The following CNBD1 variants were observed in gnomAD, a reference collection of about 807,000 sequenced individuals.
CNBD1 encodes cyclic nucleotide-binding domain-containing protein 1.
In CNBD1, 71 loss-of-function variants were observed where a neutral mutation model predicts 54.4. The ratio of observed to expected loss-of-function variants is 1.30; its 90% CI spans 1.08 to 1.59. The LOEUF is 1.59. Ranked by LOEUF, CNBD1 falls within the 40% of genes most tolerant of loss-of-function variation. CNBD1 has a pLI of 0.00. For missense variants in CNBD1, 659 were observed against 518.0 expected (o/e 1.27, Z -2.64); for synonymous variants, 182 against 170.7 (o/e 1.07, Z -0.51).
At chr8:87,143,024 A>G (rs10955212) in intron 4 of CNBD1, among the ~76,000 whole-genome samples, 2,457 of 152,210 alleles carry the variant, frequency 0.016, 21 homozygotes, top group Non-Finnish European at 0.021. Flanking sequence ...GGCTCTGTAA[A>G]TAATTAATCA....
intron 4 of CNBD1, among the ~76,000 whole-genome samples, chr8:87,198,020 A>T (rs993238151): frequency 1.3e-5 from 2 of 152,220 alleles, no homozygotes; most frequent in African/African-American, 4.8e-5. Context: ...CTGTTCCTTT[A>T]TGAAAGCAAT....
chr8:87,198,967 G>C (rs1813783959), intron 4 of CNBD1, among the ~76,000 whole-genome samples: 1 of 152,170 alleles, frequency 6.6e-6, no homozygotes, highest in East Asian at 1.9e-4. Context: ...CAAGGTGAAA[G>C]GGCAATAGGC....
chr8:87,382,073 TA>T (rs1268524457), intron 10 of CNBD1, among the ~76,000 whole-genome samples: 1 of 151,926 alleles, frequency 6.6e-6, no homozygotes, highest in Non-Finnish European at 1.5e-5. Context: ...AGCCAGTCTA[TA>T]TTAAAAAACT....
intron 4 of CNBD1, among the ~76,000 whole-genome samples, chr8:87,202,032 G>T (rs1813874453): frequency 6.6e-6 from 1 of 152,104 alleles, no homozygotes; most frequent in Admixed American, 6.6e-5. Context: ...ACATCATTTT[G>T]AAAATGTAAT....
intron 4 of CNBD1, among the ~76,000 whole-genome samples, chr8:87,001,989 G>A (rs1323936452): frequency 6.6e-6 from 1 of 151,834 alleles, no homozygotes; most frequent in Non-Finnish European, 1.5e-5. Context: ...TTCATTTGTT[G>A]ATACCACTCT....
chr8:87,299,261 C>G (rs1808939498), intron 8 of CNBD1, among the ~76,000 whole-genome samples: 1 of 152,170 alleles, frequency 6.6e-6, no homozygotes, highest in African/African-American at 2.4e-5. Flanking sequence ...CTTCCTTCCT[C>G]TCCTTCCACA....
chr8:87,325,581 C>G (rs1809649566), intron 8 of CNBD1, among the ~76,000 whole-genome samples: 2 of 133,468 alleles, frequency 1.5e-5, no homozygotes, highest in African/African-American at 6.1e-5. Flanking sequence ...CTCTTTTGAT[C>G]TTTGTTGGTT....
intron 10 of CNBD1, among the ~76,000 whole-genome samples, chr8:87,373,579 G>A (rs1810864141): frequency 6.6e-6 from 1 of 151,766 alleles, no homozygotes; most frequent in South Asian, 2.1e-4. Flanking sequence ...ATGTAAAGTT[G>A]TAGGTTGTAT....
intron 4 of CNBD1, among the ~76,000 whole-genome samples, chr8:87,099,495 T>C (rs968200925): frequency 6.6e-6 from 1 of 152,164 alleles, no homozygotes; most frequent in African/African-American, 2.4e-5. Flanking sequence ...CCGTCGTCAA[T>C]GCTAAGATGA....
intron 4 of CNBD1, among the ~76,000 whole-genome samples, chr8:86,965,106 A>G (rs1050864530): frequency 1.3e-5 from 2 of 152,180 alleles, no homozygotes; most frequent in Non-Finnish European, 2.9e-5. Flanking sequence ...TCTTAACCTT[A>G]TATTATATAC....
intron 4 of CNBD1, among the ~76,000 whole-genome samples, chr8:86,957,264 A>T (rs6468581): frequency 0.5 from 76,648 of 151,996 alleles, 20,779 homozygotes; most frequent in East Asian, 0.78. Flanking sequence ...ATCGATGTTC[A>T]TCAGGGATAT....
intron 4 of CNBD1, among the ~76,000 whole-genome samples, chr8:87,184,663 CT>C (rs1423391136): frequency 6.6e-6 from 1 of 152,148 alleles, no homozygotes; most frequent in African/African-American, 2.4e-5. Flanking sequence ...CTAGAAGCCA[CT>C]GGGGGCCAGG....
At chr8:86,950,052 GTTTTTTT>G (rs55781806) in intron 4 of CNBD1, among the ~76,000 whole-genome samples, 1 of 14,368 alleles carries the variant, frequency 7.0e-5, no homozygotes, top group East Asian at 2.7e-3. Flanking sequence ...TGCCTCCCGG[GTTTTTTT>G]TTTTTTTTTT....
At chr8:86,910,863 TG>T (rs1238709647) in intron 3 of CNBD1, among the ~76,000 whole-genome samples, 2 of 152,214 alleles carry the variant, frequency 1.3e-5, no homozygotes, top group Non-Finnish European at 2.9e-5. Context: ...GTGGGTCTTC[TG>T]GTCCCCAGTG....
At chr8:87,208,616 C>T (rs1329196145) in intron 5 of CNBD1, among the ~76,000 whole-genome samples, 1 of 151,986 alleles carries the variant, frequency 6.6e-6, no homozygotes, top group East Asian at 1.9e-4. Context: ...AAAAGAATTG[C>T]CAGTTTAGTT....
chr8:87,043,961 G>A (rs895634570), intron 4 of CNBD1, among the ~76,000 whole-genome samples: 4 of 152,002 alleles, frequency 2.6e-5, no homozygotes, highest in African/African-American at 9.7e-5. Flanking sequence ...CTTCTACCTT[G>A]GACTTTATTG....
At chr8:87,378,276 T>G (rs907958198) in intron 10 of CNBD1, among the ~76,000 whole-genome samples, 4 of 145,674 alleles carry the variant, frequency 2.7e-5, no homozygotes, top group African/African-American at 5.2e-5. Context: ...CTAGGGTTTT[T>G]ATGGTTTTAG....
At chr8:87,223,280 G>A (rs1271571490) in intron 5 of CNBD1, among the ~76,000 whole-genome samples, 2 of 149,904 alleles carry the variant, frequency 1.3e-5, no homozygotes, top group Non-Finnish European at 3.0e-5. Flanking sequence ...TAGGGTACAT[G>A]TGCACATTGT....
At chr8:86,896,425 G>C (rs568217496) in intron 2 of CNBD1, among the ~76,000 whole-genome samples, 8 of 152,116 alleles carry the variant, frequency 5.3e-5, no homozygotes, top group South Asian at 4.2e-4. Context: ...TTCTGATCCA[G>C]GGATGTCTTT....
Sources: gnomAD v4.1 joint callset for allele counts (sites outside exome capture counted in the v4.1 genomes callset) on GRCh38, gnomAD v4.1.1 for gene constraint, MANE v1.5 for transcripts, NCBI Gene and HGNC (gene_info 2026-07-23, HGNC 2026-07-21) for gene names.